Variants in CCDC73 observed in about 807,000 individuals in gnomAD.
The protein encoded by CCDC73 is coiled-coil domain containing 73.
A neutral mutation model predicts 116.5 loss-of-function variants in CCDC73; 95 were observed. That is an observed-to-expected ratio of 0.82 (90% CI 0.69 to 0.97). CCDC73 has a LOEUF of 0.97. Among genes scored for constraint, CCDC73 ranks in the 50% least tolerant of loss-of-function variants. The probability of loss-of-function intolerance (pLI) is 0.00; values close to 1 mark genes in which losing one functional copy is unlikely to be tolerated. For missense variants in CCDC73, 1,066 were observed against 1,206.8 expected (o/e 0.88, Z 1.73); for synonymous variants, 398 against 401.3 (o/e 0.99, Z 0.10).
At chr11:32,703,612 G>GACAACA (rs200882817) in intron 3 of CCDC73, among the ~76,000 whole-genome samples, 2 of 151,922 alleles carry the variant, frequency 1.3e-5, no homozygotes, top group Non-Finnish European at 2.9e-5. Flanking sequence ...CAAAAACAAT[G>GACAACA]ACAACAACAA....
chr11:32,623,960 A>G (rs1400688793), intron 14 of CCDC73, among the ~76,000 whole-genome samples: 3 of 152,194 alleles, frequency 2.0e-5, no homozygotes, highest in Admixed American at 2.0e-4. Context: ...AGGCTAGAGA[A>G]GACAGGTACT....
intron 12 of CCDC73, among the ~76,000 whole-genome samples, chr11:32,642,575 T>C (rs1855742897): frequency 6.6e-6 from 1 of 151,994 alleles, no homozygotes; most frequent in Non-Finnish European, 1.5e-5. Flanking sequence ...ACTTAATTAC[T>C]TCATTGAACT....
At chr11:32,622,054 T>G (rs751089183) in intron 14 of CCDC73, among the ~76,000 whole-genome samples, 1 of 152,120 alleles carries the variant, frequency 6.6e-6, no homozygotes, top group Admixed American at 6.6e-5. Flanking sequence ...TGCTTTTACA[T>G]TGTTGGTGGG....
At chr11:32,825,728 T>G in the CCDC73 span, among the ~76,000 whole-genome samples, 1 of 152,216 alleles carries the variant, frequency 6.6e-6, no homozygotes, top group African/African-American at 2.4e-5. Context: ...TAATCTTTGC[T>G]TAGAATATCA....
intron 9 of CCDC73, among the ~76,000 whole-genome samples, chr11:32,671,972 A>G (rs570952611): frequency 6.0e-4 from 92 of 152,340 alleles, no homozygotes; most frequent in Non-Finnish European, 1.2e-3. Context: ...GCCTTCTTAC[A>G]TAAATCCACT....
In CCDC73 at chr11:32,607,079, AAT is replaced by A. The variant is rs1565054207; in HGVS notation, c.3030+4051_3030+4052del. On this transcript the variant is annotated intron_variant, in intron 17 of 17. Coordinates refer to ENST00000335185, the MANE Select transcript of CCDC73 (RefSeq NM_001008391.4). ...AGCCCACCACGCCCAGCCAAAAATAAATTTTTTTTTTTTTTTTTTTTTTTTTT... is the reference window on the plus strand; with the variant it reads ...AGCCCACCACGCCCAGCCAAAAATAATTTTTTTTTTTTTTTTTTTTTTTTT... Among the ~76,000 whole-genome samples, 89 of 119,244 alleles carry A rather than the reference AAT, an allele frequency of 7.5e-4. 1 individual carries two copies. The highest frequency in any genetic ancestry group is 2.7e-3 in the African/African-American group (81 of 29,516). The allele number at this position is 119,244 out of a possible 152,430, so 78.2% of individuals were successfully genotyped here.
intron 12 of CCDC73, 76 bp downstream of exon 12, chr11:32,653,042 ATAAAC>A (rs1855839748): frequency 1.2e-6 from 1 of 813,426 alleles, no homozygotes; most frequent in Non-Finnish European, 2.0e-6. Flanking sequence ...GGACAGAAAA[ATAAAC>A]TAAACAGGAA....
At chr11:32,649,613 C>T (rs1855809141) in intron 12 of CCDC73, among the ~76,000 whole-genome samples, 1 of 152,112 alleles carries the variant, frequency 6.6e-6, no homozygotes, top group South Asian at 2.1e-4. Flanking sequence ...AGCAACAGTT[C>T]AACATTAATA....
At chr11:32,779,459 G>A (rs1850563595) in intron 1 of CCDC73, among the ~76,000 whole-genome samples, 1 of 152,120 alleles carries the variant, frequency 6.6e-6, no homozygotes, top group Non-Finnish European at 1.5e-5. Flanking sequence ...CCAGCACCTG[G>A]ATTGTTATCT....
At chr11:32,606,841 C>T (rs1383434475) in intron 17 of CCDC73, among the ~76,000 whole-genome samples, 6 of 128,776 alleles carry the variant, frequency 4.7e-5, no homozygotes, top group Non-Finnish European at 9.3e-5. Context: ...GACACTGTCT[C>T]ACTCTGTCAC....
chr11:32,675,927 A>T lies in CCDC73; in HGVS notation c.524T>A (p.Phe175Tyr). 1 of 1,608,878 alleles carries T rather than the reference A, an allele frequency of 6.2e-7. No individual in the cohort carries two copies. The highest frequency in any genetic ancestry group is 8.5e-7 in the Non-Finnish European group (1 of 1,178,128). The change falls in exon 8 of 18, where the codon TTT becomes TAT. Residue 175 changes from phenylalanine to tyrosine, a missense_variant. Transcript: ENST00000335185. ...TTCATGATTCTCTTTTACCAATCCA[A>T]ATTGACCTGTTATTGTGGCATAATA... is the stretch of plus-strand genomic sequence containing the variant. ...EKYYATITGQFGLVKENHEKL... is the reference protein window; with the variant it reads ...EKYYATITGQYGLVKENHEKL...
chr11:32,603,998 T>G (rs1465492095), intron 17 of CCDC73: 1 of 152,154 alleles, frequency 6.6e-6, no homozygotes, highest in East Asian at 1.9e-4. Flanking sequence ...GCCCAGGAGG[T>G]GAAGGTTGCA....
At chr11:32,703,788 T>A (rs1849832499) in intron 3 of CCDC73, among the ~76,000 whole-genome samples, 1 of 152,338 alleles carries the variant, frequency 6.6e-6, no homozygotes, top group South Asian at 2.1e-4. Flanking sequence ...TTCTCCCACC[T>A]TTTTGGTGGA....
At chr11:32,753,811 C>A (rs1470395678) in intron 2 of CCDC73, among the ~76,000 whole-genome samples, 1 of 151,986 alleles carries the variant, frequency 6.6e-6, no homozygotes, top group Non-Finnish European at 1.5e-5. Flanking sequence ...GGGGTCACAT[C>A]ATGTTGCCCA....
chr11:32,762,531 C>A (rs1014792360), intron 1 of CCDC73, among the ~76,000 whole-genome samples: 1 of 152,108 alleles, frequency 6.6e-6, no homozygotes, highest in Non-Finnish European at 1.5e-5. Context: ...TCAGGTAAGG[C>A]TGAACCAAAA....
At chr11:32,637,858 C>G (rs1425051650) in intron 13 of CCDC73, among the ~76,000 whole-genome samples, 1 of 152,188 alleles carries the variant, frequency 6.6e-6, no homozygotes, top group Non-Finnish European at 1.5e-5. Context: ...TCCCCAACCT[C>G]TCTCCTAGGA....
chr11:32,617,953 T>G (rs1173387672), intron 14 of CCDC73, among the ~76,000 whole-genome samples: 1 of 152,230 alleles, frequency 6.6e-6, no homozygotes, highest in African/African-American at 2.4e-5. Flanking sequence ...TGCATGATGC[T>G]GAGCTTTGGG....
intron 6 of CCDC73, 126 bp downstream of exon 6, chr11:32,699,125 A>C (rs1849786662): frequency 6.8e-6 from 7 of 1,023,474 alleles, no homozygotes; most frequent in Non-Finnish European, 8.6e-6. Context: ...AAAGTATTAA[A>C]TTATGTAATA....
intron 12 of CCDC73, among the ~76,000 whole-genome samples, chr11:32,651,652 T>C (rs1855827161): frequency 6.6e-6 from 1 of 152,184 alleles, no homozygotes. Context: ...TTACAGAATG[T>C]AAATTCAAAA....
Sources: gnomAD v4.1 joint callset for allele counts (sites outside exome capture counted in the v4.1 genomes callset) on GRCh38, gnomAD v4.1.1 for gene constraint, MANE v1.5 for transcripts, NCBI Gene and HGNC (gene_info 2026-07-23, HGNC 2026-07-21) for gene names.